The following BRCC3 variants were observed in gnomAD, a reference collection of about 807,000 sequenced individuals.
The protein encoded by BRCC3 is lys-63-specific deubiquitinase BRCC36.
In BRCC3, 15 loss-of-function variants were observed where a neutral mutation model predicts 28.0. The observed-to-expected ratio is 0.54, with a 90% CI of 0.36 to 0.82. BRCC3 has a LOEUF of 0.82. Ranked by LOEUF, BRCC3 falls within the 40% of genes least tolerant of loss-of-function variation. The pLI is 0.01. For missense variants in BRCC3, 109 were observed against 225.9 expected (o/e 0.48, Z 3.32); for synonymous variants, 66 against 80.3 (o/e 0.82, Z 0.95).
At chrX:155,112,545 A>G (rs1557298251) in intron 7 of BRCC3, among the ~76,000 whole-genome samples, 1 of 113,195 alleles carries the variant, frequency 8.8e-6, no homozygotes, top group Non-Finnish European at 1.9e-5. Flanking sequence ...AGAGGACTAC[A>G]TATTTGATAA....
At position 155,076,556 on chromosome X, in the gene BRCC3, G is replaced by C. The variant is rs782204963; in HGVS notation, c.196-614G>C. On this transcript the variant is annotated intron_variant, in intron 3 of 10. Transcript: ENST00000330045. The stretch of plus-strand genomic sequence containing the variant: ...AGGCATATCTTACATGGTGGTAGGA[G>C]AGAGAGAGAGTGAGGGGGGAAGTGC... Among the ~76,000 whole-genome samples, 7 of 110,936 alleles carry C rather than the reference G, an allele frequency of 6.3e-5. No individual in the cohort carries two copies. The South Asian group carries it at 1.5e-3, about 24-fold the overall frequency.
At chrX:155,102,125 T>G (rs1192933748) in intron 7 of BRCC3, among the ~76,000 whole-genome samples, 2 of 112,491 alleles carry the variant, frequency 1.8e-5, no homozygotes, top group Non-Finnish European at 3.8e-5. Context: ...GCTTAGAACA[T>G]TTGTATATAG....
intron 3 of BRCC3, among the ~76,000 whole-genome samples, chrX:155,076,878 C>T (rs1459196350): frequency 8.9e-6 from 1 of 111,887 alleles, no homozygotes; most frequent in Non-Finnish European, 1.9e-5. Context: ...TTCCTTTGTG[C>T]AATACAGTGT....
At chrX:155,074,319 A>G (rs1289126950) in intron 3 of BRCC3, among the ~76,000 whole-genome samples, 1 of 112,257 alleles carries the variant, frequency 8.9e-6, no homozygotes, top group Non-Finnish European at 1.9e-5. Flanking sequence ...TAATAGCCAG[A>G]CTTCTTAAAA....
chrX:155,116,246 C>A, intron 8 of BRCC3, 58 bp downstream of exon 8: 3 of 1,085,766 alleles, frequency 2.8e-6, no homozygotes, highest in Non-Finnish European at 3.7e-6. Flanking sequence ...CTCTTTTCTT[C>A]TTCTGTCCTT....
intron 7 of BRCC3, among the ~76,000 whole-genome samples, chrX:155,103,079 C>T (rs782565682): frequency 1.3e-4 from 15 of 112,100 alleles, no homozygotes; most frequent in Middle Eastern, 4.6e-3. Flanking sequence ...AGTCTGTCTT[C>T]GAGTGATATT....
intron 5 of BRCC3, among the ~76,000 whole-genome samples, chrX:155,086,918 C>T (rs1557294969): frequency 8.9e-6 from 1 of 112,154 alleles, no homozygotes; most frequent in Non-Finnish European, 1.9e-5. Context: ...TCTGAAATGT[C>T]TTTGGCTGTT....
At chrX:155,112,281 C>T (rs1404657146) in intron 7 of BRCC3, among the ~76,000 whole-genome samples, 1 of 111,174 alleles carries the variant, frequency 9.0e-6, no homozygotes, top group Non-Finnish European at 1.9e-5. Context: ...ACTGCAATAC[C>T]GTGACAGTCA....
chrX:155,109,091 G>T (rs1309465308), intron 7 of BRCC3, among the ~76,000 whole-genome samples: 6 of 111,183 alleles, frequency 5.4e-5, no homozygotes, highest in Non-Finnish European at 7.6e-5. Flanking sequence ...ATTTATTGCT[G>T]CCTTGCCACT....
intron 7 of BRCC3, among the ~76,000 whole-genome samples, chrX:155,091,276 C>CT (rs202062881): frequency 9.5e-4 from 98 of 103,387 alleles, no homozygotes; most frequent in East Asian, 7.7e-3. Flanking sequence ...ATTAGCAAAT[C>CT]TTTTTTTTTT....
intron 7 of BRCC3, among the ~76,000 whole-genome samples, chrX:155,093,719 T>C (rs2074190418): frequency 9.2e-6 from 1 of 108,586 alleles, no homozygotes; most frequent in African/African-American, 3.3e-5. Context: ...AGATATCATA[T>C]CCTTTTCTCT....
At chrX:155,081,896 T>A (rs192787332) in intron 5 of BRCC3, among the ~76,000 whole-genome samples, 3 of 111,494 alleles carry the variant, frequency 2.7e-5, no homozygotes, top group Non-Finnish European at 5.7e-5. Flanking sequence ...AATGATTTTG[T>A]TGGGGGGAAA....
intron 4 of BRCC3, 44 bp downstream of exon 4, chrX:155,077,333 C>T: frequency 1.8e-6 from 2 of 1,118,127 alleles, no homozygotes; most frequent in Non-Finnish European, 2.4e-6. Context: ...CTCTGGGGTT[C>T]CTGGGCCGCA....
intron 7 of BRCC3, chrX:155,099,530 C>T (rs2074234296): frequency 3.6e-6 from 3 of 837,387 alleles, no homozygotes; most frequent in Admixed American, 7.2e-5. Context: ...GCCAAGGAGA[C>T]TAGGAAATCT....
In BRCC3 at chrX:155,074,608, G is replaced by GAGAA. The variant is rs1213191732; in HGVS notation, c.195+1183_195+1186dup. Among the ~76,000 whole-genome samples the GAGAA allele has an allele frequency of 6.3e-5, 7 of 111,988 alleles. No individual in the cohort carries two copies. In the Admixed American group the frequency reaches 6.6e-4, roughly 11 times the overall value. ...AAATCTCTGACTAAAGCAAGAAAGA[G>GAGAA]AGAAAGAAACAATTCACCCTGGGCA... On this transcript the variant is annotated intron_variant, in intron 3 of 10. Coordinates refer to ENST00000330045, the MANE Select transcript of BRCC3 (RefSeq NM_001018055.3).
chrX:155,072,467 G>A (rs2073993450), intron 2 of BRCC3, 124 bp downstream of exon 2: 4 of 515,956 alleles, frequency 7.8e-6, no homozygotes, highest in Non-Finnish European at 9.8e-6. Context: ...ATCACTCCGG[G>A]GCTCCCTTAA....
intron 7 of BRCC3, among the ~76,000 whole-genome samples, chrX:155,104,069 A>G (rs970478073): frequency 9.0e-6 from 1 of 111,545 alleles, no homozygotes; most frequent in Non-Finnish European, 1.9e-5. Flanking sequence ...TATACTTAAC[A>G]TGTTTAATCT....
At chrX:155,105,645 A>T (rs1297216485) in intron 7 of BRCC3, among the ~76,000 whole-genome samples, 2 of 112,097 alleles carry the variant, frequency 1.8e-5, no homozygotes, top group Non-Finnish European at 3.8e-5. Context: ...TATTATCCAT[A>T]GGGCTAGTCT....
At chrX:155,105,384 G>C (rs2074275638) in intron 7 of BRCC3, among the ~76,000 whole-genome samples, 1 of 111,812 alleles carries the variant, frequency 8.9e-6, no homozygotes, top group Non-Finnish European at 1.9e-5. Flanking sequence ...TCGGGAGGCT[G>C]AGGCAGGAGA....
Sources: allele counts gnomAD v4.1 joint callset (sites outside exome capture counted in the v4.1 genomes callset), GRCh38; gene constraint gnomAD v4.1.1; transcripts MANE v1.5; gene names NCBI Gene and HGNC (gene_info 2026-07-23, HGNC 2026-07-21).